The following ZNRF2 variants were observed in gnomAD, a reference collection of about 807,000 sequenced individuals.
ZNRF2 encodes the protein zinc and ring finger 2.
Under a neutral mutation model 20.4 loss-of-function variants are expected in ZNRF2, and 16 were observed. The ratio of observed to expected loss-of-function variants is 0.79; its 90% CI spans 0.53 to 1.19. The LOEUF is 1.19. ZNRF2 is among the 50% of genes most tolerant of loss of function. ZNRF2 has a pLI of 0.00. For synonymous variants in ZNRF2, 178 were observed against 144.9 expected (o/e 1.23, Z -1.64); for missense variants, 363 against 332.4 (o/e 1.09, Z -0.72).
chr7:30,336,208 A>AT (rs1799714291), intron 2 of ZNRF2, among the ~76,000 whole-genome samples: 1 of 152,214 alleles, frequency 6.6e-6, no homozygotes, highest in South Asian at 2.1e-4. Context: ...CAATGACTAC[A>AT]TATTACTTGT....
At chr7:30,332,495 AG>A (rs1488745058) in intron 2 of ZNRF2, among the ~76,000 whole-genome samples, 3 of 152,144 alleles carry the variant, frequency 2.0e-5, no homozygotes, top group Non-Finnish European at 4.4e-5. Flanking sequence ...AGTACCTAAT[AG>A]GTAGTTTTTC....
intron 3 of ZNRF2, 59 bp from the exon 4 acceptor site, chr7:30,362,318 C>T: frequency 1.7e-6 from 2 of 1,167,772 alleles, no homozygotes; most frequent in Admixed American, 2.3e-5. Flanking sequence ...TACTGTGGCT[C>T]TCATTATATA....
At chr7:30,365,147 C>CTTTTTT (rs533354831) in intron 4 of ZNRF2, among the ~76,000 whole-genome samples, 4 of 70,324 alleles carry the variant, frequency 5.7e-5, no homozygotes, top group Admixed American at 1.7e-4. Flanking sequence ...AGCTGATAAG[C>CTTTTTT]TTTTTTTTTT....
intron 1 of ZNRF2, among the ~76,000 whole-genome samples, chr7:30,300,193 G>A (rs1743657946): frequency 6.9e-6 from 1 of 144,158 alleles, no homozygotes; most frequent in Non-Finnish European, 1.5e-5. Flanking sequence ...TCTCTTGTCA[G>A]GCTGGAGTGC....
At position 30,285,339 on chromosome 7, in the gene ZNRF2, G is replaced by T. The variant is rs1798754238; in HGVS notation, c.-19G>T. Reference sequence around the variant, plus strand: ...CTCTCGGGGCGCAGCGCGCGGGCCCGGCCCGGGGCAGGGCGGACATGGGCG... The same window carrying T: ...CTCTCGGGGCGCAGCGCGCGGGCCCTGCCCGGGGCAGGGCGGACATGGGCG... On this transcript the variant is annotated 5_prime_UTR_variant, in exon 1 of 5. Coordinates refer to ENST00000323037, the MANE Select transcript of ZNRF2 (RefSeq NM_147128.4). The T allele has an allele frequency of 5.4e-6, 6 of 1,109,890 alleles. No individual in the cohort carries two copies. Among genetic ancestry groups the T allele is most frequent in the Admixed American group, 5.3e-5 (1 of 18,738 alleles). 68.8% of individuals were successfully genotyped at this position (1,109,890 alleles called of 1,614,324 possible). A position where few individuals can be genotyped will look rare whatever the true frequency, so the allele number is the denominator to read the frequency against.
intron 1 of ZNRF2, among the ~76,000 whole-genome samples, chr7:30,313,466 C>T (rs981954618): frequency 1.3e-5 from 2 of 151,998 alleles, no homozygotes; most frequent in African/African-American, 4.8e-5. Flanking sequence ...TGCATTTCTC[C>T]CTCTAGTTTG....
chr7:30,318,138 A>G (rs983834766), intron 1 of ZNRF2, among the ~76,000 whole-genome samples: 1 of 152,286 alleles, frequency 6.6e-6, no homozygotes, highest in East Asian at 1.9e-4. Flanking sequence ...CCGGCTTTGG[A>G]TAGAGAACAT....
chr7:30,356,094 C>T (rs899332038), intron 3 of ZNRF2, among the ~76,000 whole-genome samples: 5 of 152,072 alleles, frequency 3.3e-5, no homozygotes, highest in African/African-American at 9.7e-5. Flanking sequence ...CTCATGTAAG[C>T]CTTGTAACCA....
chr7:30,290,505 T>C (rs985401845), intron 1 of ZNRF2, among the ~76,000 whole-genome samples: 1 of 152,228 alleles, frequency 6.6e-6, no homozygotes, highest in African/African-American at 2.4e-5. Flanking sequence ...TATTTCCTTG[T>C]GTCTGTTAGG....
chr7:30,286,767 A>G (rs1190236223), intron 1 of ZNRF2, among the ~76,000 whole-genome samples: 1 of 152,246 alleles, frequency 6.6e-6, no homozygotes, highest in Non-Finnish European at 1.5e-5. Flanking sequence ...AAATAGAAGT[A>G]TAGAAGATAA....
intron 1 of ZNRF2, among the ~76,000 whole-genome samples, chr7:30,294,374 A>G (rs147973880): frequency 3.9e-5 from 6 of 152,342 alleles, no homozygotes; most frequent in African/African-American, 1.4e-4. Context: ...ATCGGGGAAT[A>G]ATCATGTTAA....
chr7:30,360,623 C>G (rs1458005128), intron 3 of ZNRF2, among the ~76,000 whole-genome samples: 1 of 151,906 alleles, frequency 6.6e-6, no homozygotes, highest in East Asian at 1.9e-4. Flanking sequence ...ACCCGGGAGG[C>G]GGCAGAGTTT....
At position 30,285,338 on chromosome 7, in the gene ZNRF2, C is replaced by G; in HGVS notation, c.-20C>G. 1 of 1,106,190 alleles carries G rather than the reference C, an allele frequency of 9.0e-7. No homozygotes were observed. Among genetic ancestry groups the G allele is most frequent in the Non-Finnish European group, 1.1e-6 (1 of 910,862 alleles). 68.5% of individuals were successfully genotyped at this position (1,106,190 alleles called of 1,614,324 possible). A position where few individuals can be genotyped will look rare whatever the true frequency, so the allele number is the denominator to read the frequency against. The stretch of plus-strand genomic sequence containing the variant: ...GCTCTCGGGGCGCAGCGCGCGGGCC[C>G]GGCCCGGGGCAGGGCGGACATGGGC... On this transcript the variant is annotated 5_prime_UTR_variant, in exon 1 of 5. Coordinates refer to ENST00000323037, the MANE Select transcript of ZNRF2 (RefSeq NM_147128.4).
chr7:30,295,981 C>T (rs1193990950), intron 1 of ZNRF2, among the ~76,000 whole-genome samples: 1 of 152,158 alleles, frequency 6.6e-6, no homozygotes, highest in African/African-American at 2.4e-5. Flanking sequence ...CTTATATTTA[C>T]AAAATTCTCC....
At chr7:30,350,307 T>G (rs905187860) in intron 2 of ZNRF2, among the ~76,000 whole-genome samples, 1 of 151,910 alleles carries the variant, frequency 6.6e-6, no homozygotes, top group Non-Finnish European at 1.5e-5. Flanking sequence ...ATCAAAAGAG[T>G]AACAAATTTT....
rs1456248264 is a variant in ZNRF2 at position 30,316,242 on chromosome 7, T to C, written c.470-7400T>C. Among the ~76,000 whole-genome samples, 4 of 127,574 alleles carry C rather than the reference T, an allele frequency of 3.1e-5. No homozygotes were observed. In the East Asian group the frequency reaches 8.9e-4, roughly 28 times the overall value. The allele number at this position is 127,574 out of a possible 152,430, so 83.7% of individuals were successfully genotyped here. ...AGCGGAGGTTGTGGTGAGTCAAGAT[T>C]GCACCACTGTACTCCAGCCTGGGCA... On this transcript the variant is annotated intron_variant, in intron 1 of 4. Coordinates refer to ENST00000323037, the MANE Select transcript of ZNRF2 (RefSeq NM_147128.4).
Position 30,367,437 on chromosome 7 carries a change from G to A in ZNRF2, c.*1425G>A, listed in dbSNP as rs563436698. On this transcript the variant is annotated 3_prime_UTR_variant, in exon 5 of 5. Transcript: ENST00000323037. Reference sequence around the variant, plus strand: ...AAAATGTTATCAGTGAATAGGTGGTGTACTTTACTTGGTATAATTTAAAGT... The same window carrying A: ...AAAATGTTATCAGTGAATAGGTGGTATACTTTACTTGGTATAATTTAAAGT... The A allele has an allele frequency of 6.6e-6, 1 of 152,430 alleles. No individual in the cohort carries two copies. Among genetic ancestry groups the A allele is most frequent in the South Asian group, 2.1e-4 (1 of 4,820 alleles). 9.4% of individuals were successfully genotyped at this position (152,430 alleles called of 1,614,324 possible). A position where few individuals can be genotyped will look rare whatever the true frequency, so the allele number is the denominator to read the frequency against.
intron 2 of ZNRF2, among the ~76,000 whole-genome samples, chr7:30,353,898 A>G (rs1297447560): frequency 6.6e-6 from 1 of 152,146 alleles, no homozygotes; most frequent in African/African-American, 2.4e-5. Context: ...TTGTGATGAA[A>G]AAATACGTAA....
At chr7:30,317,558 A>T (rs1799396042) in intron 1 of ZNRF2, among the ~76,000 whole-genome samples, 1 of 152,210 alleles carries the variant, frequency 6.6e-6, no homozygotes, top group South Asian at 2.1e-4. Flanking sequence ...GAAAATAATT[A>T]AATGGCAACA....
Sources: allele counts gnomAD v4.1 joint callset (sites outside exome capture counted in the v4.1 genomes callset), GRCh38; gene constraint gnomAD v4.1.1; transcripts MANE v1.5; gene names NCBI Gene and HGNC (gene_info 2026-07-23, HGNC 2026-07-21).